Variants in KDELR2 observed in about 807,000 individuals in gnomAD.
KDELR2 encodes ER lumen protein-retaining receptor 2.
A neutral mutation model predicts 23.9 loss-of-function variants in KDELR2; 15 were observed. The ratio of observed to expected loss-of-function variants is 0.63; its 90% CI spans 0.42 to 0.97. The LOEUF is 0.97. Among genes scored for constraint, KDELR2 ranks in the 50% least tolerant of loss-of-function variants. KDELR2 has a pLI of 0.00. For missense variants in KDELR2, 272 were observed against 254.6 expected (o/e 1.07, Z -0.46); for synonymous variants, 119 against 106.2 (o/e 1.12, Z -0.74).
intron 1 of KDELR2, 134 bp from the exon 2 acceptor site, chr7:6,474,418 A>C: frequency 1.6e-6 from 1 of 625,594 alleles, no homozygotes; most frequent in South Asian, 1.9e-5. Flanking sequence ...ATGGCTCTGA[A>C]TGAACAAGAG....
At chr7:6,469,472 G>A (rs1227928401) in intron 3 of KDELR2, 124 bp downstream of exon 3, 5 of 822,970 alleles carry the variant, frequency 6.1e-6, no homozygotes, top group South Asian at 3.4e-5. Context: ...GGCCAGGCTG[G>A]TCTCGAACTC....
At chr7:6,479,242 C>T (rs905208643) in intron 1 of KDELR2, among the ~76,000 whole-genome samples, 1 of 152,128 alleles carries the variant, frequency 6.6e-6, no homozygotes, top group African/African-American at 2.4e-5. Context: ...GCTGCAACCT[C>T]GACTTCCTGG....
chr7:6,482,881 T>A (rs1261532886), intron 1 of KDELR2, among the ~76,000 whole-genome samples: 2 of 146,942 alleles, frequency 1.4e-5, no homozygotes, highest in Non-Finnish European at 3.0e-5. Flanking sequence ...GGTGCACGCA[T>A]GGAGTCCCAG....
Position 6,484,106 on chromosome 7 carries a change from G to C in KDELR2, c.-49C>G, listed in dbSNP as rs912019671. On this transcript the variant is annotated 5_prime_UTR_variant, in exon 1 of 5. Transcript: ENST00000258739. ...GCGCAGCGCGGCGGCCCCGGGGCTGGGCGGCTCAGGAGGCGGCGGCCCCTG... is the reference window on the plus strand; with the variant it reads ...GCGCAGCGCGGCGGCCCCGGGGCTGCGCGGCTCAGGAGGCGGCGGCCCCTG... The C allele has an allele frequency of 4.6e-6, 6 of 1,314,352 alleles. No homozygotes were observed. The highest frequency in any genetic ancestry group is 5.9e-6 in the Non-Finnish European group (6 of 1,021,012). 81.4% of individuals were successfully genotyped at this position (1,314,352 alleles called of 1,614,324 possible). A position where few individuals can be genotyped will look rare whatever the true frequency, so the allele number is the denominator to read the frequency against.
intron 2 of KDELR2, among the ~76,000 whole-genome samples, chr7:6,473,414 G>C (rs1225265335): frequency 6.6e-6 from 1 of 152,126 alleles, no homozygotes; most frequent in African/African-American, 2.4e-5. Flanking sequence ...AACACTGTGC[G>C]AAAGAACTGA....
chr7:6,469,164 G>A (rs921865830), intron 3 of KDELR2, among the ~76,000 whole-genome samples: 1 of 151,662 alleles, frequency 6.6e-6, no homozygotes, highest in South Asian at 2.1e-4. Context: ...ATGTTAGCCA[G>A]TATAGTCTCG....
chr7:6,470,005 A>G (rs1785594462), intron 2 of KDELR2: 13 of 310,736 alleles, frequency 4.2e-5, no homozygotes, highest in Non-Finnish European at 7.7e-5. Flanking sequence ...GCCGCTTCGC[A>G]GTCAAACTCC....
intron 1 of KDELR2, among the ~76,000 whole-genome samples, chr7:6,475,589 C>G (rs1362229357): frequency 6.6e-6 from 1 of 152,164 alleles, no homozygotes; most frequent in African/African-American, 2.4e-5. Context: ...TTCCAACCAC[C>G]AACCCACCTC....
At chr7:6,469,906 C>A (rs1181985398) in intron 2 of KDELR2, 152 bp from the exon 3 acceptor site, 2 of 642,688 alleles carry the variant, frequency 3.1e-6, no homozygotes, top group Non-Finnish European at 5.0e-6. Flanking sequence ...GTAAAATTCT[C>A]TTTTTTGGAG....
At chr7:6,469,286 T>C (rs889792447) in intron 3 of KDELR2, among the ~76,000 whole-genome samples, 1 of 151,766 alleles carries the variant, frequency 6.6e-6, no homozygotes, top group Admixed American at 6.6e-5. Context: ...GAGACAGTCT[T>C]GCTCTGTCAC....
At chr7:6,471,742 A>T (rs371896354) in intron 2 of KDELR2, among the ~76,000 whole-genome samples, 2 of 151,954 alleles carry the variant, frequency 1.3e-5, no homozygotes, top group African/African-American at 4.8e-5. Flanking sequence ...TTGTTTATTC[A>T]CTCACCAGTT....
At chr7:6,471,462 G>A (rs905373126) in intron 2 of KDELR2, among the ~76,000 whole-genome samples, 5 of 152,136 alleles carry the variant, frequency 3.3e-5, no homozygotes, top group African/African-American at 9.7e-5. Context: ...TTACAGGCGT[G>A]AGCCACAGCA....
Position 6,469,758 on chromosome 7 carries a change from C to A in KDELR2, c.193-4G>T, listed in dbSNP as rs1484472903. 3.1e-6 allele frequency: 5 copies of A among 1,598,676 alleles called. No individual in the cohort carries two copies. The highest frequency in any genetic ancestry group is 1.1e-5 in the South Asian group (1 of 88,142). On this transcript the variant is annotated splice_polypyrimidine_tract_variant and splice_region_variant and intron_variant, in intron 2 of 4. Transcript: ENST00000258739. ...AGGAGCAGGCAAGGTAGATAACCTACAAATAAAAGAAAAAACACCAGGTGT... is the reference window on the plus strand; with the variant it reads ...AGGAGCAGGCAAGGTAGATAACCTAAAAATAAAAGAAAAAACACCAGGTGT...
intron 1 of KDELR2, among the ~76,000 whole-genome samples, chr7:6,478,474 C>T (rs1161933723): frequency 1.3e-5 from 2 of 152,182 alleles, no homozygotes; most frequent in Non-Finnish European, 2.9e-5. Context: ...CCTAGCAAGA[C>T]TAAGCATCCT....
At chr7:6,472,391 C>T (rs971474278) in intron 2 of KDELR2, among the ~76,000 whole-genome samples, 3 of 152,118 alleles carry the variant, frequency 2.0e-5, no homozygotes, top group Non-Finnish European at 2.9e-5. Flanking sequence ...ACGAGCACCT[C>T]GGGTCTCACG....
rs993129344 is a variant in KDELR2 at position 6,461,475 on chromosome 7, A to T, written c.*1666T>A. 1 of 151,604 alleles carries T rather than the reference A, an allele frequency of 6.6e-6. No individual in the cohort carries two copies. Among genetic ancestry groups the T allele is most frequent in the Non-Finnish European group, 1.5e-5 (1 of 67,934 alleles). 9.4% of individuals were successfully genotyped at this position (151,604 alleles called of 1,614,324 possible). ...ACCAGACTTCCTAGCCTCCTTCCACACTCCGAATCTTCAAGCAGGATGAAA... is the reference window on the plus strand; with the variant it reads ...ACCAGACTTCCTAGCCTCCTTCCACTCTCCGAATCTTCAAGCAGGATGAAA... On this transcript the variant is annotated 3_prime_UTR_variant, in exon 5 of 5. Coordinates refer to ENST00000258739, the MANE Select transcript of KDELR2 (RefSeq NM_006854.4).
At chr7:6,465,676 C>T (rs1458071847) in intron 4 of KDELR2, among the ~76,000 whole-genome samples, 3 of 152,068 alleles carry the variant, frequency 2.0e-5, no homozygotes, top group Admixed American at 6.6e-5. Context: ...ATGGTACATG[C>T]ACATAATGAA....
intron 3 of KDELR2, among the ~76,000 whole-genome samples, chr7:6,469,121 TTTTTTA>T (rs998994605): frequency 6.6e-6 from 1 of 151,882 alleles, no homozygotes; most frequent in Non-Finnish European, 1.5e-5. Context: ...CCAGCTAATT[TTTTTTA>T]TTTTTTAGTA....
chr7:6,469,516 A>G, intron 3 of KDELR2, 80 bp downstream of exon 3: 1 of 1,368,508 alleles, frequency 7.3e-7, no homozygotes, highest in Non-Finnish European at 1.0e-6. Context: ...TGGAGGCTGA[A>G]CTCCGCCTCG....
Sources: allele counts gnomAD v4.1 joint callset (sites outside exome capture counted in the v4.1 genomes callset), GRCh38; gene constraint gnomAD v4.1.1; transcripts MANE v1.5; gene names NCBI Gene and HGNC (gene_info 2026-07-23, HGNC 2026-07-21).